NEK1: variants seen among roughly 807,000 people sequenced by gnomAD.
The protein encoded by NEK1 is NIMA related kinase 1.
A neutral mutation model predicts 182.1 loss-of-function variants in NEK1; 137 were observed. The observed-to-expected ratio is 0.75, with a 90% CI of 0.65 to 0.87. The LOEUF (loss-of-function observed/expected upper bound fraction) is 0.87, where lower values mean the gene tolerates loss of function less well. NEK1 is among the 40% of genes least tolerant of loss of function. NEK1 has a pLI of 0.00. For missense variants in NEK1, 1,391 were observed against 1,494.4 expected (o/e 0.93, Z 1.14); for synonymous variants, 513 against 492.2 (o/e 1.04, Z -0.56).
chr4:169,570,552 G>T (rs1164830910), intron 12 of NEK1, among the ~76,000 whole-genome samples: 3 of 150,766 alleles, frequency 2.0e-5, no homozygotes, highest in Admixed American at 6.6e-5. Flanking sequence ...CGGGAGGGAG[G>T]TGGGGGGGTC....
At chr4:169,476,624 A>G (rs1162981742) in intron 26 of NEK1, among the ~76,000 whole-genome samples, 1 of 152,138 alleles carries the variant, frequency 6.6e-6, no homozygotes, top group East Asian at 1.9e-4. Flanking sequence ...AAGCTCCACA[A>G]GAGCACATAT....
chr4:169,515,643 C>G (rs1469912165), intron 19 of NEK1, among the ~76,000 whole-genome samples: 1 of 106,644 alleles, frequency 9.4e-6, no homozygotes, highest in African/African-American at 3.6e-5. Flanking sequence ...CCAATGCTAT[C>G]CCTCCCCCCT....
At chr4:169,448,495 A>C (rs1741023922) in intron 27 of NEK1, among the ~76,000 whole-genome samples, 1 of 152,184 alleles carries the variant, frequency 6.6e-6, no homozygotes. Context: ...CCACTAAAGA[A>C]ATCACCTTCT....
chr4:169,436,508 G>C (rs1185300972), intron 28 of NEK1, among the ~76,000 whole-genome samples: 1 of 152,196 alleles, frequency 6.6e-6, no homozygotes, highest in Non-Finnish European at 1.5e-5. Context: ...CAGTGGTCTA[G>C]CTAAGGAATT....
intron 26 of NEK1, among the ~76,000 whole-genome samples, chr4:169,469,156 G>A (rs949521338): frequency 6.6e-6 from 1 of 151,674 alleles, no homozygotes; most frequent in African/African-American, 2.4e-5. Flanking sequence ...CTTGTCTTCT[G>A]CTAGCTTTTG....
intron 29 of NEK1, among the ~76,000 whole-genome samples, chr4:169,430,937 T>C (rs559113710): frequency 5.1e-4 from 78 of 152,054 alleles, no homozygotes; most frequent in African/African-American, 1.9e-3. Context: ...TACAGAAATC[T>C]ATTAGTTAAA....
Position 169,555,825 on chromosome 4 carries a change from C to A in NEK1, c.1457G>T (p.Gly486Val). 1 of 1,613,922 alleles carries A rather than the reference C, an allele frequency of 6.2e-7. No homozygotes were observed. The highest frequency in any genetic ancestry group is 1.1e-5 in the South Asian group (1 of 91,084). ...ERGILPGVRP[G>V]FPYGAAGHHH... is the part of the protein sequence containing the mutation. ...ATGACCTGCAGCCCCATAAGGAAAT[C>A]CTGGACGAACTCCAGGCAGAATTCC... Residue 486 changes from glycine (G) to valine (V), a missense_variant, in exon 18 of 36, where the codon GGA (glycine) becomes GTA (valine). By Grantham distance (109) the Gly-to-Val change is moderately radical. Around this residue, in one of 5 missense-constraint regions of NEK1, gnomAD observed 1,216 missense variants for 1,277.6 expected, o/e 0.95. Coordinates refer to ENST00000507142, the MANE Select transcript of NEK1 (RefSeq NM_001199397.3).
In NEK1 at chr4:169,496,310, C is replaced by T. The variant is rs571563060; in HGVS notation, c.2007+10727G>A. On this transcript the variant is annotated intron_variant, in intron 23 of 35. Transcript: ENST00000507142. Reference sequence around the variant, plus strand: ...AGCTTAAGGAGATTTTGGGCTGAGACGATGGGGTTTTCTAGATATACAATC... The same window carrying T: ...AGCTTAAGGAGATTTTGGGCTGAGATGATGGGGTTTTCTAGATATACAATC... Among the ~76,000 whole-genome samples, 22 of 151,702 alleles carry T rather than the reference C, an allele frequency of 1.5e-4. No individual in the cohort carries two copies. In the East Asian group the frequency reaches 1.9e-3, roughly 13 times the overall value.
intron 7 of NEK1, among the ~76,000 whole-genome samples, chr4:169,589,231 G>C (rs1253446673): frequency 1.3e-5 from 2 of 152,128 alleles, no homozygotes; most frequent in Non-Finnish European, 2.9e-5. Context: ...TGCCTGTGTA[G>C]CACACTCTAT....
chr4:169,608,291 T>C (rs1160170471), intron 2 of NEK1, among the ~76,000 whole-genome samples: 1 of 152,114 alleles, frequency 6.6e-6, no homozygotes, highest in African/African-American at 2.4e-5. Context: ...TTTTAAAACT[T>C]GGTTAATAAT....
At chr4:169,570,518 C>T (rs1764605451) in intron 12 of NEK1, among the ~76,000 whole-genome samples, 1 of 150,056 alleles carries the variant, frequency 6.7e-6, no homozygotes, top group Admixed American at 6.6e-5. Context: ...GGGGTCAGCC[C>T]CCCGCCCGGC....
At chr4:169,553,723 T>C (rs1292616534) in intron 18 of NEK1, among the ~76,000 whole-genome samples, 4 of 152,162 alleles carry the variant, frequency 2.6e-5, no homozygotes, top group African/African-American at 7.2e-5. Context: ...AAGAAAGATA[T>C]ACAGATGGCA....
Position 169,394,422 on chromosome 4 carries a change from T to C in NEK1, c.*88A>G, listed in dbSNP as rs1487951755. On this transcript the variant is annotated 3_prime_UTR_variant, in exon 36 of 36. Transcript: ENST00000507142. The stretch of plus-strand genomic sequence containing the variant: ...TAAATCTGATTTTTTAAATAAATAA[T>C]TGCTGTATTTCCCACTGAAGCTTGT... The C allele has an allele frequency of 2.6e-6, 2 of 780,734 alleles. No individual in the cohort carries two copies. Among genetic ancestry groups the C allele is most frequent in the East Asian group, 2.7e-5 (1 of 36,468 alleles). The allele number at this position is 780,734 out of a possible 1,614,324, so 48.4% of individuals were successfully genotyped here.
At chr4:169,514,451 T>C (rs1450524892) in intron 19 of NEK1, among the ~76,000 whole-genome samples, 1 of 152,252 alleles carries the variant, frequency 6.6e-6, no homozygotes, top group Non-Finnish European at 1.5e-5. Flanking sequence ...CAAATTGGTG[T>C]TAATTCTTCT....
intron 27 of NEK1, among the ~76,000 whole-genome samples, chr4:169,454,478 G>A (rs1030688974): frequency 2.0e-5 from 3 of 151,642 alleles, no homozygotes; most frequent in African/African-American, 4.8e-5. Context: ...CTTAAGCAAA[G>A]TTACAAGAAA....
chr4:169,436,661 G>C (rs746396611), intron 28 of NEK1, among the ~76,000 whole-genome samples: 5 of 152,190 alleles, frequency 3.3e-5, no homozygotes, highest in Non-Finnish European at 7.3e-5. Context: ...ATTCCTTCTA[G>C]GCAACAAATG....
At chr4:169,583,701 CT>C (rs1767055385) in intron 10 of NEK1, among the ~76,000 whole-genome samples, 1 of 152,254 alleles carries the variant, frequency 6.6e-6, no homozygotes, top group South Asian at 2.1e-4. Flanking sequence ...TCTCTAGTGG[CT>C]GCCAAAAAAA....
intron 31 of NEK1, among the ~76,000 whole-genome samples, chr4:169,415,899 T>C (rs74806383): frequency 0.011 from 1,643 of 152,284 alleles, 28 homozygotes; most frequent in African/African-American, 0.037. Context: ...CCCAGAATTC[T>C]AGGGCTCTAA....
chr4:169,400,451 C>G, intron 34 of NEK1, 70 bp downstream of exon 34: 1 of 1,492,270 alleles, frequency 6.7e-7, no homozygotes, highest in Non-Finnish European at 9.0e-7. Flanking sequence ...ATGACCAATA[C>G]AGATTATCAA....
Sources: allele counts gnomAD v4.1 joint callset (sites outside exome capture counted in the v4.1 genomes callset), GRCh38; gene constraint gnomAD v4.1.1; regional missense constraint gnomAD v4.1.1; transcripts MANE v1.5; gene names NCBI Gene and HGNC (gene_info 2026-07-23, HGNC 2026-07-21).